TAFA1: variants seen among roughly 807,000 people sequenced by gnomAD.
TAFA1 encodes chemokine-like protein TAFA-1.
A neutral mutation model predicts 18.5 loss-of-function variants in TAFA1; 4 were observed. The ratio of observed to expected loss-of-function variants is 0.22; its 90% CI spans 0.11 to 0.49. TAFA1 has a LOEUF of 0.49. Among genes scored for constraint, TAFA1 ranks in the 20% least tolerant of loss-of-function variants. The pLI, the probability that TAFA1 is intolerant of heterozygous loss-of-function variation, is 0.98. For missense variants in TAFA1, 147 were observed against 169.0 expected, an observed-to-expected ratio of 0.87 and a Z score of 0.72; for synonymous variants, 56 against 55.2, an observed-to-expected ratio of 1.01 and a Z score of -0.06.
intron 3 of TAFA1, among the ~76,000 whole-genome samples, chr3:68,531,102 A>C (rs1559708042): frequency 6.6e-6 from 1 of 152,124 alleles, no homozygotes; most frequent in Non-Finnish European, 1.5e-5. Flanking sequence ...TAATTCCTGC[A>C]CTTCCTACCT....
At chr3:68,399,151 T>C (rs1397305377) in intron 2 of TAFA1, among the ~76,000 whole-genome samples, 1 of 152,170 alleles carries the variant, frequency 6.6e-6, no homozygotes, top group Non-Finnish European at 1.5e-5. Context: ...AGTTTTACAA[T>C]CCAAGTCCAG....
chr3:68,315,021 C>A (rs2106690117), intron 2 of TAFA1, among the ~76,000 whole-genome samples: 1 of 151,766 alleles, frequency 6.6e-6, no homozygotes, highest in East Asian at 1.9e-4. Flanking sequence ...TAAAGACTTT[C>A]TTCTCTGTTA....
At chr3:68,082,604 G>T (rs1046534213) in intron 2 of TAFA1, among the ~76,000 whole-genome samples, 1 of 152,206 alleles carries the variant, frequency 6.6e-6, no homozygotes, top group Admixed American at 6.5e-5. Flanking sequence ...CACTGAAAGA[G>T]TTTAAGTTAG....
intron 2 of TAFA1, among the ~76,000 whole-genome samples, chr3:68,124,979 C>T (rs549993685): frequency 2.7e-4 from 41 of 152,302 alleles, no homozygotes; most frequent in African/African-American, 8.7e-4. Flanking sequence ...CAAACAAAAT[C>T]GTCATCCACT....
At chr3:67,996,033 T>C in the TAFA1 span, among the ~76,000 whole-genome samples, 1 of 152,166 alleles carries the variant, frequency 6.6e-6, no homozygotes. Flanking sequence ...GAGTGAATAG[T>C]GATAAATAAA....
intron 2 of TAFA1, among the ~76,000 whole-genome samples, chr3:68,032,535 A>G (rs1299096874): frequency 6.6e-6 from 1 of 152,176 alleles, no homozygotes; most frequent in Non-Finnish European, 1.5e-5. Context: ...ATTACATCCT[A>G]GAACACAGAG....
chr3:68,259,466 A>C (rs1022595372), intron 2 of TAFA1, among the ~76,000 whole-genome samples: 46 of 152,092 alleles, frequency 3.0e-4, no homozygotes, highest in Admixed American at 1.1e-3. Flanking sequence ...TTTTCCAATT[A>C]TGTGAAGAAA....
chr3:68,418,023 T>C (rs544486403), intron 3 of TAFA1, among the ~76,000 whole-genome samples: 1 of 152,164 alleles, frequency 6.6e-6, no homozygotes, highest in South Asian at 2.1e-4. Context: ...GTTCCAACAC[T>C]GGGGGTTACA....
At chr3:68,328,845 A>G (rs1408765904) in intron 2 of TAFA1, among the ~76,000 whole-genome samples, 1 of 152,166 alleles carries the variant, frequency 6.6e-6, no homozygotes, top group South Asian at 2.1e-4. Context: ...GGTAGGAAAC[A>G]ATGATATGGA....
chr3:68,427,057 A>T lies in TAFA1; in HGVS notation c.259+9637A>T, dbSNP rs533720347. 1.1e-4 allele frequency among the ~76,000 whole-genome samples: 17 copies of T among 151,790 alleles called. 2 individuals are homozygous for T. The highest frequency in any genetic ancestry group is 1.9e-4 in the African/African-American group (8 of 41,492). On this transcript the variant is annotated intron_variant, in intron 3 of 4. Transcript: ENST00000478136. ...TCATGATGTGTATGTCATGTGTGTG[A>T]GAGAGAGAGATAGGTCATGGCACAG...
chr3:68,080,584 G>A (rs1156309421), intron 2 of TAFA1, among the ~76,000 whole-genome samples: 2 of 151,988 alleles, frequency 1.3e-5, no homozygotes, highest in Admixed American at 6.5e-5. Flanking sequence ...GCATAGTTTG[G>A]CTGGATATGA....
intron 2 of TAFA1, among the ~76,000 whole-genome samples, chr3:68,306,294 AT>A (rs1193955934): frequency 5.3e-5 from 8 of 151,890 alleles, no homozygotes; most frequent in South Asian, 2.1e-4. Flanking sequence ...ATTGGGTGGG[AT>A]TTTTTTCCAG....
chr3:68,168,293 A>G (rs760010177), intron 2 of TAFA1, among the ~76,000 whole-genome samples: 1 of 152,224 alleles, frequency 6.6e-6, no homozygotes, highest in African/African-American at 2.4e-5. Context: ...GTCTCTATGA[A>G]TTTTAAAAAT....
At chr3:68,427,589 T>A (rs2071080673) in intron 3 of TAFA1, among the ~76,000 whole-genome samples, 2 of 151,846 alleles carry the variant, frequency 1.3e-5, no homozygotes. Flanking sequence ...AGTAATATTT[T>A]AAAAAATTAA....
chr3:68,371,379 C>T (rs2069703413), intron 2 of TAFA1, among the ~76,000 whole-genome samples: 1 of 151,982 alleles, frequency 6.6e-6, no homozygotes, highest in South Asian at 2.1e-4. Context: ...TCTCCCCTTG[C>T]CCCCAACCCC....
intron 2 of TAFA1, among the ~76,000 whole-genome samples, chr3:68,297,420 TTTACAACAA>T (rs2068227958): frequency 6.6e-6 from 1 of 151,994 alleles, no homozygotes; most frequent in South Asian, 2.1e-4. Context: ...CCTGGGAAAA[TTTACAACAA>T]ATTTGATGAC....
chr3:68,370,245 G>A (rs182646335), intron 2 of TAFA1, among the ~76,000 whole-genome samples: 1,531 of 104,736 alleles, frequency 0.015, 77 homozygotes, highest in African/African-American at 0.054. Flanking sequence ...CCAAGGTCAC[G>A]CCACTTCATT....
chr3:68,112,626 T>C (rs1447762727), intron 2 of TAFA1, among the ~76,000 whole-genome samples: 2 of 152,090 alleles, frequency 1.3e-5, no homozygotes, highest in Non-Finnish European at 2.9e-5. Flanking sequence ...TCCTTGGCCC[T>C]AGATAGTTCA....
intron 2 of TAFA1, among the ~76,000 whole-genome samples, chr3:68,081,083 C>T (rs2064892208): frequency 6.6e-6 from 1 of 152,100 alleles, no homozygotes; most frequent in South Asian, 2.1e-4. Flanking sequence ...TCACTGATAC[C>T]CTTTCTTCCA....
Sources: allele counts gnomAD v4.1 joint callset (sites outside exome capture counted in the v4.1 genomes callset), GRCh38; gene constraint gnomAD v4.1.1; transcripts MANE v1.5; gene names NCBI Gene and HGNC (gene_info 2026-07-23, HGNC 2026-07-21).